Variants in ELAPOR2 observed in about 807,000 individuals in gnomAD.
The protein encoded by ELAPOR2 is endosome/lysosome-associated apoptosis and autophagy regulator family member 2.
Under a neutral mutation model 120.7 loss-of-function variants are expected in ELAPOR2, and 89 were observed. That is an observed-to-expected ratio of 0.74 (90% CI 0.62 to 0.88). ELAPOR2 has a LOEUF of 0.88. ELAPOR2 is among the 40% of genes least tolerant of loss of function. The pLI, the probability that ELAPOR2 is intolerant of heterozygous loss-of-function variation, is 0.00. For synonymous variants in ELAPOR2, 444 were observed against 444.9 expected (o/e 1.00, Z 0.03); for missense variants, 1,134 against 1,251.6 (o/e 0.91, Z 1.42).
chr7:86,965,079 TG>T, intron 1 of ELAPOR2, 55 bp from the exon 2 acceptor site: 1 of 1,542,230 alleles, frequency 6.5e-7, no homozygotes, highest in Non-Finnish European at 8.8e-7. Flanking sequence ...ACGGGACAAC[TG>T]TGCTTTCTCT....
intron 2 of ELAPOR2, among the ~76,000 whole-genome samples, chr7:86,955,486 A>G (rs570787678): frequency 3.9e-5 from 6 of 152,160 alleles, no homozygotes; most frequent in African/African-American, 1.4e-4. Flanking sequence ...TGTTCAATTT[A>G]AGGCTGGAAG....
chr7:86,991,636 G>A (rs770405620), intron 1 of ELAPOR2, among the ~76,000 whole-genome samples: 1 of 152,196 alleles, frequency 6.6e-6, no homozygotes, highest in African/African-American at 2.4e-5. Context: ...AAGCCAGGCA[G>A]TTCAGAGCCA....
intron 1 of ELAPOR2, among the ~76,000 whole-genome samples, chr7:86,980,720 C>T (rs371993856): frequency 9.2e-5 from 14 of 152,204 alleles, no homozygotes; most frequent in African/African-American, 2.2e-4. Context: ...AAACAAGTAT[C>T]TCTGCCAGTT....
intron 1 of ELAPOR2, among the ~76,000 whole-genome samples, chr7:86,985,119 C>A (rs984320210): frequency 6.1e-4 from 93 of 152,130 alleles, no homozygotes; most frequent in African/African-American, 2.1e-3. Flanking sequence ...CACACACCCT[C>A]CCAAGACAAA....
At chr7:86,989,495 C>T (rs1340654553) in intron 1 of ELAPOR2, among the ~76,000 whole-genome samples, 2 of 152,152 alleles carry the variant, frequency 1.3e-5, no homozygotes, top group East Asian at 1.9e-4. Flanking sequence ...AACATTTGCA[C>T]GTATTTTAAT....
At chr7:86,905,324 A>G (rs748194393) in intron 18 of ELAPOR2, among the ~76,000 whole-genome samples, 29 of 151,846 alleles carry the variant, frequency 1.9e-4, no homozygotes, top group Non-Finnish European at 4.0e-4. Context: ...TCACTGCTAA[A>G]AAAAAACCAA....
chr7:86,925,480 GATGTCTCT>G, intron 10 of ELAPOR2, 40 bp downstream of exon 10: 1 of 1,596,258 alleles, frequency 6.3e-7, no homozygotes, highest in Non-Finnish European at 8.6e-7. Context: ...AAGAATGAAT[GATGTCTCT>G]ATTGCTGAAA....
At chr7:86,974,694 T>C (rs1792218611) in intron 1 of ELAPOR2, among the ~76,000 whole-genome samples, 1 of 151,994 alleles carries the variant, frequency 6.6e-6, no homozygotes, top group South Asian at 2.1e-4. Flanking sequence ...TGTGACTATC[T>C]TTATTCTATA....
chr7:86,944,783 C>G (rs1790934419), intron 4 of ELAPOR2, 116 bp downstream of exon 4: 1 of 691,782 alleles, frequency 1.4e-6, no homozygotes, highest in South Asian at 2.6e-5. Context: ...GTTCAGTTAA[C>G]ACACACACAC....
chr7:86,925,307 TA>T (rs1004449107), intron 10 of ELAPOR2, among the ~76,000 whole-genome samples: 27 of 151,870 alleles, frequency 1.8e-4, no homozygotes, highest in East Asian at 1.7e-3. Context: ...CAATACTGCC[TA>T]AAAAAAATGC....
chr7:86,934,356 T>C (rs959232844), intron 8 of ELAPOR2, among the ~76,000 whole-genome samples: 4 of 152,064 alleles, frequency 2.6e-5, no homozygotes, highest in Non-Finnish European at 1.5e-5. Flanking sequence ...TGCCTTACTG[T>C]ATACATTAGA....
intron 2 of ELAPOR2, among the ~76,000 whole-genome samples, chr7:86,956,628 A>C (rs918832530): frequency 2.0e-5 from 3 of 152,226 alleles, no homozygotes; most frequent in Non-Finnish European, 4.4e-5. Flanking sequence ...CTAGATTTAA[A>C]GTTCATATCT....
At position 87,053,985 on chromosome 7, in the gene ELAPOR2, C is replaced by T. The variant is rs534471564; in HGVS notation, c.189+5340G>A. Among the ~76,000 whole-genome samples the T allele has an allele frequency of 2.0e-5, 3 of 152,242 alleles. No individual in the cohort carries two copies. The South Asian group carries it at 6.2e-4, about 32-fold the overall frequency. ...GCATGATGTGTGGTTTTGTTTTAAACCTACTCCCCTGAGATTACAAAGCTC... is the reference window on the plus strand; with the variant it reads ...GCATGATGTGTGGTTTTGTTTTAAATCTACTCCCCTGAGATTACAAAGCTC... On this transcript the variant is annotated intron_variant, in intron 1 of 21. Transcript: ENST00000450689.
intron 9 of ELAPOR2, 98 bp downstream of exon 9, chr7:86,926,638 G>A: frequency 8.2e-7 from 1 of 1,221,276 alleles, no homozygotes; most frequent in Non-Finnish European, 1.1e-6. Flanking sequence ...AAGAAATTCT[G>A]TAACCACTTT....
In ELAPOR2 at chr7:86,879,873, C is replaced by T. The variant is rs1297854607; in HGVS notation, c.*598G>A. 6.6e-6 allele frequency: 1 copy of T among 152,128 alleles called. No individual in the cohort carries two copies. The highest frequency in any genetic ancestry group is 6.6e-5 in the Admixed American group (1 of 15,266). 9.4% of individuals were successfully genotyped at this position (152,128 alleles called of 1,614,324 possible). A position where few individuals can be genotyped will look rare whatever the true frequency, so the allele number is the denominator to read the frequency against. ...AAGGCAATTATAAATCTAGATAACCCAAGCACATGCTAACTCTTCCTGAAA... is the reference window on the plus strand; with the variant it reads ...AAGGCAATTATAAATCTAGATAACCTAAGCACATGCTAACTCTTCCTGAAA... On this transcript the variant is annotated 3_prime_UTR_variant, in exon 22 of 22. Coordinates refer to ENST00000450689, the MANE Select transcript of ELAPOR2 (RefSeq NM_001142749.3).
chr7:86,969,051 T>A (rs1792016239), intron 1 of ELAPOR2, among the ~76,000 whole-genome samples: 1 of 152,128 alleles, frequency 6.6e-6, no homozygotes. Flanking sequence ...ACAAAACATG[T>A]AAGGAAAAAT....
At chr7:87,045,446 G>A (rs7795994) in intron 1 of ELAPOR2, among the ~76,000 whole-genome samples, 12,601 of 148,824 alleles carry the variant, frequency 0.085, 1,115 homozygotes, top group African/African-American at 0.22. Flanking sequence ...TGATGAGTTC[G>A]TGTCCTTTGT....
At chr7:86,942,391 C>G (rs1265011991) in intron 4 of ELAPOR2, among the ~76,000 whole-genome samples, 1 of 152,002 alleles carries the variant, frequency 6.6e-6, no homozygotes, top group Non-Finnish European at 1.5e-5. Context: ...GTGACTAACA[C>G]TGACAATGCA....
At position 86,964,926 on chromosome 7, in the gene ELAPOR2, G is replaced by A; in HGVS notation, c.288C>T (p.Asp96=). The stretch of plus-strand genomic sequence containing the variant: ...TACTGCATTCTTTGCCTCTCACTGG[G>A]TCAGGCAGGCCAGAGCAGTCCACTG... The part of the protein sequence containing the change: ...NSAVDCSGLP[D]PVRGKECTFS... Residue 96 remains aspartate, a synonymous_variant, in exon 2 of 22, where the codon GAC becomes GAT. Coordinates refer to ENST00000450689, the MANE Select transcript of ELAPOR2 (RefSeq NM_001142749.3). 1 of 1,551,520 alleles carries A rather than the reference G, an allele frequency of 6.4e-7. No homozygotes were observed.
Sources: gnomAD v4.1 joint callset for allele counts (sites outside exome capture counted in the v4.1 genomes callset) on GRCh38, gnomAD v4.1.1 for gene constraint, MANE v1.5 for transcripts, NCBI Gene and HGNC (gene_info 2026-07-23, HGNC 2026-07-21) for gene names.